SP140: variants seen among roughly 807,000 people sequenced by gnomAD.
SP140 encodes the protein nuclear body protein SP140.
SP140 carries 81 observed loss-of-function variants against 125.0 expected under a neutral mutation model. The observed-to-expected ratio is 0.65, with a 90% CI of 0.54 to 0.78. The LOEUF (loss-of-function observed/expected upper bound fraction) is 0.78. Among genes scored for constraint, SP140 ranks in the 30% least tolerant of loss-of-function variants. SP140 has a pLI of 0.00. For missense variants in SP140, 858 were observed against 1,037.0 expected (o/e 0.83, Z 2.37); for synonymous variants, 312 against 354.0 (o/e 0.88, Z 1.33).
At chr2:230,284,611 A>G (rs1311159339) in intron 16 of SP140, among the ~76,000 whole-genome samples, 200 bp downstream of exon 16, 1 of 152,232 alleles carries the variant, frequency 6.6e-6, no homozygotes, top group African/African-American at 2.4e-5. Flanking sequence ...GTAATAGTCC[A>G]GAGGCCCACA....
chr2:230,264,956 G>A (rs1483609926), intron 12 of SP140, among the ~76,000 whole-genome samples: 1 of 152,158 alleles, frequency 6.6e-6, no homozygotes, highest in East Asian at 1.9e-4. Flanking sequence ...CTTGCCAGGA[G>A]GTGGCACTTT....
chr2:230,269,047 C>T (rs1165354346), intron 12 of SP140, among the ~76,000 whole-genome samples: 1 of 151,956 alleles, frequency 6.6e-6, no homozygotes, highest in Non-Finnish European at 1.5e-5. Flanking sequence ...TGTAGGGACT[C>T]CAGACCTTCA....
At position 230,312,624 on chromosome 2, in the gene SP140, TGA is replaced by T. The variant is rs766113618; in HGVS notation, c.2546_2547del (p.Glu849ValfsTer2). Reference protein sequence around the residue: ...FGQMGFRLEAEFEKNFKEVFA... With the variant: ...FGQMGFRLEAXFEKNFKEVFA... ...GCCAAATGGGATTTAGACTGGAGGCTGAGTTTGAGAAGAATTTCAAGGAAGTG... is the reference window on the plus strand; with the variant it reads ...GCCAAATGGGATTTAGACTGGAGGCTGTTTGAGAAGAATTTCAAGGAAGTG... On this transcript the variant is annotated frameshift_variant, in exon 27 of 27. Transcript: ENST00000392045. LOFTEE classifies it high-confidence loss of function. The T allele has an allele frequency of 6.2e-7, 1 of 1,612,934 alleles. No homozygotes were observed.
In SP140 at chr2:230,237,918, G is replaced by A. The variant is rs1014845490; in HGVS notation, c.238-295G>A. 6.6e-6 allele frequency among the ~76,000 whole-genome samples: 1 copy of A among 152,124 alleles called. No individual in the cohort carries two copies. Among genetic ancestry groups the A allele is most frequent in the Non-Finnish European group, 1.5e-5 (1 of 68,022 alleles). On this transcript the variant is annotated intron_variant, in intron 2 of 26. Coordinates refer to ENST00000392045, the MANE Select transcript of SP140 (RefSeq NM_007237.5). This position sits in a 1 kb window ranked among gnomAD's most constrained non-coding sequence, Gnocchi z 5.4. ...ATTGTCCATGCAACAGAACAGCCTTGTTAAGGCCACTCCTGAAATAACCTG... is the reference window on the plus strand; with the variant it reads ...ATTGTCCATGCAACAGAACAGCCTTATTAAGGCCACTCCTGAAATAACCTG...
At chr2:230,242,414 A>G (rs529492528) in intron 4 of SP140, among the ~76,000 whole-genome samples, 1 of 152,300 alleles carries the variant, frequency 6.6e-6, no homozygotes, top group East Asian at 1.9e-4. Flanking sequence ...TTCCCACATC[A>G]AAGTGGCACT....
chr2:230,190,891 T>C, the SP140 span, among the ~76,000 whole-genome samples: 25 of 152,092 alleles, frequency 1.6e-4, no homozygotes, highest in Non-Finnish European at 1.8e-4. Context: ...ATTTCTGAGG[T>C]CTCTGTTCTG....
chr2:230,266,423 T>C (rs2053134890), intron 12 of SP140, among the ~76,000 whole-genome samples: 1 of 152,210 alleles, frequency 6.6e-6, no homozygotes, highest in Non-Finnish European at 1.5e-5. Flanking sequence ...TTGTATCCCT[T>C]AGGCCGTATT....
intron 3 of SP140, chr2:230,238,983 A>G (rs564963763): frequency 1.3e-6 from 2 of 1,501,016 alleles, no homozygotes; most frequent in African/African-American, 2.8e-5. Flanking sequence ...AAAGAAGTTG[A>G]AGTGGATTCT....
Position 230,312,842 on chromosome 2 carries a change from G to A in SP140, c.*158G>A. ...TCTGCCCAAAGACAAATCCTCAAAA[G>A]GAAATTCAATCATCATGAATCACAA... On this transcript the variant is annotated 3_prime_UTR_variant, in exon 27 of 27. Transcript: ENST00000392045. 1.7e-6 allele frequency: 1 copy of A among 574,072 alleles called. No individual in the cohort carries two copies. The allele number at this position is 574,072 out of a possible 1,614,324, so 35.6% of individuals were successfully genotyped here.
chr2:230,303,197 T>G (rs1006191949), intron 22 of SP140, among the ~76,000 whole-genome samples: 3 of 152,096 alleles, frequency 2.0e-5, no homozygotes, highest in Non-Finnish European at 4.4e-5. Context: ...AAGATCCAAA[T>G]AAGCCCAATT....
chr2:230,309,397 G>A (rs1050162032), intron 22 of SP140, among the ~76,000 whole-genome samples: 4 of 152,152 alleles, frequency 2.6e-5, no homozygotes, highest in African/African-American at 4.8e-5. Context: ...CTCAGAGGTC[G>A]GCGTAGAGCC....
upstream of SP140, chr2:230,225,545 C>T (rs2046214968): frequency 1.1e-5 from 5 of 461,860 alleles, no homozygotes; most frequent in South Asian, 6.1e-5. Flanking sequence ...CTCAAAACAA[C>T]TTTGATCTGC....
At chr2:230,307,957 A>ATG (rs2058929817) in intron 22 of SP140, among the ~76,000 whole-genome samples, 1 of 51,472 alleles carries the variant, frequency 1.9e-5, no homozygotes, top group Non-Finnish European at 3.8e-5. Context: ...ACATGCATGT[A>ATG]TATATATATA....
chr2:230,225,947 G>T (rs369733596), intron 1 of SP140, 44 bp downstream of exon 1: 8 of 1,526,906 alleles, frequency 5.2e-6, no homozygotes, highest in South Asian at 3.4e-5. Context: ...ATCTCTGGTA[G>T]GGTTCCCTTT....
intron 4 of SP140, among the ~76,000 whole-genome samples, chr2:230,243,027 T>C (rs1419935146): frequency 6.6e-6 from 1 of 152,234 alleles, no homozygotes; most frequent in Non-Finnish European, 1.5e-5. Flanking sequence ...TAAATGGGTT[T>C]TTAAGTAGCA....
chr2:230,270,778 T>A (rs2053812799), intron 15 of SP140, 139 bp downstream of exon 15: 1 of 796,972 alleles, frequency 1.3e-6, no homozygotes, highest in Non-Finnish European at 2.1e-6. Context: ...CCCTAAGATG[T>A]CTACCTCCTA....
chr2:230,292,091 T>C (rs1323930399), intron 19 of SP140, among the ~76,000 whole-genome samples: 1 of 152,272 alleles, frequency 6.6e-6, no homozygotes. Flanking sequence ...CAATTAGTTT[T>C]TTAATATCAG....
intron 10 of SP140, among the ~76,000 whole-genome samples, chr2:230,252,258 T>G (rs2050483741): frequency 6.6e-6 from 1 of 151,542 alleles, no homozygotes; most frequent in Non-Finnish European, 1.5e-5. Flanking sequence ...AAGAGACAGA[T>G]ATTCAGGGAG....
chr2:230,310,644 AG>A, intron 23 of SP140, 98 bp from the exon 24 acceptor site: 10 of 1,545,618 alleles, frequency 6.5e-6, no homozygotes, highest in Non-Finnish European at 8.8e-6. Context: ...CCCATGACTG[AG>A]CCCATCAGCC....
Sources: gnomAD v4.1 joint callset for allele counts (sites outside exome capture counted in the v4.1 genomes callset) on GRCh38, gnomAD v4.1.1 for gene constraint, Gnocchi (gnomAD v3.1) non-coding constraint, MANE v1.5 for transcripts, NCBI Gene and HGNC (gene_info 2026-07-23, HGNC 2026-07-21) for gene names.